The following PHACTR2 variants were observed in gnomAD, a reference collection of about 807,000 sequenced individuals.
PHACTR2 encodes chromosome 6 open reading frame 56.
Under a neutral mutation model 76.0 loss-of-function variants are expected in PHACTR2, and 30 were observed. The observed-to-expected ratio is 0.39, with a 90% CI of 0.30 to 0.54. The LOEUF (loss-of-function observed/expected upper bound fraction) is 0.54, where lower values mean the gene tolerates loss of function less well. Ranked by LOEUF, PHACTR2 falls within the 20% of genes least tolerant of loss-of-function variation. PHACTR2 has a pLI of 0.61. For missense variants in PHACTR2, 696 were observed against 781.1 expected (o/e 0.89, Z 1.30); for synonymous variants, 292 against 292.5 (o/e 1.00, Z 0.02).
At chr6:143,651,077 CAT>C (rs1373531074) in intron 1 of PHACTR2, among the ~76,000 whole-genome samples, 3 of 151,844 alleles carry the variant, frequency 2.0e-5, no homozygotes, top group African/African-American at 2.4e-5. Flanking sequence ...AGCCAACAAA[CAT>C]ATGAAAAAAA....
At chr6:143,740,422 C>T (rs1199100835) in intron 2 of PHACTR2, among the ~76,000 whole-genome samples, 1 of 150,520 alleles carries the variant, frequency 6.6e-6, no homozygotes, top group Non-Finnish European at 1.5e-5. Context: ...TGTACCCAGC[C>T]TCTATTCAAG....
In PHACTR2 at chr6:143,795,744, C is replaced by T. The variant is rs1775808511; in HGVS notation, c.1845+6834C>T. On this transcript the variant is annotated intron_variant, in intron 11 of 12. Coordinates refer to ENST00000440869, the MANE Select transcript of PHACTR2 (RefSeq NM_001100164.2). This position sits in a 1 kb window ranked among gnomAD's most constrained non-coding sequence, Gnocchi z 4.8. ...AGTAGTTGTTTGACCTTGGCCAAGTCATTTAACCTAGGTTTACTTACTAGT... is the reference window on the plus strand; with the variant it reads ...AGTAGTTGTTTGACCTTGGCCAAGTTATTTAACCTAGGTTTACTTACTAGT... Among the ~76,000 whole-genome samples the T allele has an allele frequency of 6.6e-6, 1 of 152,212 alleles. No homozygotes were observed.
At position 143,755,199 on chromosome 6, in the gene PHACTR2, A is replaced by C; in HGVS notation, c.454+1287A>C. 1 of 449,734 alleles carries C rather than the reference A, an allele frequency of 2.2e-6. No individual in the cohort carries two copies. The highest frequency in any genetic ancestry group is 4.5e-6 in the Non-Finnish European group (1 of 222,490). The allele number at this position is 449,734 out of a possible 1,614,324, so 27.9% of individuals were successfully genotyped here. A position where few individuals can be genotyped will look rare whatever the true frequency, so the allele number is the denominator to read the frequency against. On this transcript the variant is annotated intron_variant, in intron 4 of 12. Coordinates refer to ENST00000440869, the MANE Select transcript of PHACTR2 (RefSeq NM_001100164.2). The surrounding 1 kb of genome is among the most constrained non-coding windows in gnomAD (Gnocchi z 5.2). The stretch of plus-strand genomic sequence containing the variant: ...TACTTTCAATGATAATATTCCTGGA[A>C]CATAAAAAGAAAGTAGACTTAAATA...
upstream of PHACTR2, among the ~76,000 whole-genome samples, chr6:143,607,666 A>G (rs1435453531): frequency 2.6e-5 from 4 of 152,244 alleles, no homozygotes; most frequent in Non-Finnish European, 4.4e-5. Flanking sequence ...TGGAATGGCA[A>G]TACTCAACTT....
intron 1 of PHACTR2, among the ~76,000 whole-genome samples, chr6:143,657,955 G>C (rs987733871): frequency 2.0e-5 from 3 of 152,152 alleles, no homozygotes; most frequent in South Asian, 2.1e-4. Context: ...TATTTCTGAG[G>C]GGGGGTCCAG....
intron 12 of PHACTR2, among the ~76,000 whole-genome samples, chr6:143,813,590 C>A (rs1488233857): frequency 3.6e-5 from 5 of 139,790 alleles, no homozygotes; most frequent in Non-Finnish European, 7.5e-5. Flanking sequence ...TGCACTCCAG[C>A]CTGGGCAACA....
chr6:143,583,408 G>A lies in PHACTR2; in HGVS notation c.217+46201G>A, dbSNP rs1164003407. 1.3e-5 allele frequency among the ~76,000 whole-genome samples: 2 copies of A among 152,216 alleles called. No individual in the cohort carries two copies. The highest frequency in any genetic ancestry group is 2.9e-5 in the Non-Finnish European group (2 of 68,046). On this transcript the variant is annotated intron_variant, in intron 1 of 11. Coordinates refer to the PHACTR2 transcript ENST00000367584. This position sits in a 1 kb window ranked among gnomAD's most constrained non-coding sequence, Gnocchi z 4.0. The stretch of plus-strand genomic sequence containing the variant: ...CACTTTTATGATTGGTAAAAAATTG[G>A]TTTATCCTCTCTCAAAGTTTATCCT...
At chr6:143,779,899 T>TTTATA (rs377378201) in intron 9 of PHACTR2, among the ~76,000 whole-genome samples, 36,252 of 140,708 alleles carry the variant, frequency 0.26, 4,789 homozygotes, top group Middle Eastern at 0.31. Flanking sequence ...CATATACGTA[T>TTTATA]TTATATTATA....
rs1420949889 is a variant in PHACTR2 at position 143,619,064 on chromosome 6, T to C, written c.13+10742T>C. On this transcript the variant is annotated intron_variant, in intron 1 of 11. Coordinates refer to the PHACTR2 transcript ENST00000305766. The surrounding 1 kb of genome is among the most constrained non-coding windows in gnomAD (Gnocchi z 4.5). ...TGAATTAATTCTTACTGGAATTGAA[T>C]GCTGTGGCCATATGCAATTTAATAT... Among the ~76,000 whole-genome samples the C allele has an allele frequency of 2.0e-5, 3 of 152,210 alleles. No homozygotes were observed. The highest frequency in any genetic ancestry group is 6.5e-5 in the Admixed American group (1 of 15,286).
chr6:143,559,716 T>TTTTTTTTTTTTTTTTTTTA (rs1775238183), intron 1 of PHACTR2, among the ~76,000 whole-genome samples: 1 of 132,698 alleles, frequency 7.5e-6, no homozygotes, highest in Non-Finnish European at 1.6e-5. Context: ...TTTTTTTTTT[T>TTTTTTTTTTTTTTTTTTTA]TTTTTTTTTT....
At chr6:143,674,881 T>G (rs533930541), upstream of PHACTR2, among the ~76,000 whole-genome samples, 3 of 152,364 alleles carry the variant, frequency 2.0e-5, no homozygotes, top group South Asian at 6.2e-4. The surrounding 1 kb of genome is among the most constrained non-coding windows in gnomAD (Gnocchi z 4.9). Context: ...AAGTTGTATG[T>G]CTGCCATTTG....
At chr6:143,726,294 T>C (rs1778569330) in intron 2 of PHACTR2, among the ~76,000 whole-genome samples, 1 of 152,226 alleles carries the variant, frequency 6.6e-6, no homozygotes, top group Non-Finnish European at 1.5e-5. Context: ...TAAAAACATT[T>C]GTCATAAAAT....
rs1242865868 is a variant in PHACTR2, at chr6:143,653,406, G to A, written c.13+45084G>A. On this transcript the variant is annotated intron_variant, in intron 1 of 11. Transcript: ENST00000305766. This position sits in a 1 kb window ranked among gnomAD's most constrained non-coding sequence, Gnocchi z 4.9. ...ATACAGACTGTGGAGATGGGCAAAGGAAAAAAATCTCCAAGCTTTTTGATA... is the reference window on the plus strand; with the variant it reads ...ATACAGACTGTGGAGATGGGCAAAGAAAAAAAATCTCCAAGCTTTTTGATA... Among the ~76,000 whole-genome samples the A allele has an allele frequency of 6.6e-6, 1 of 151,948 alleles. No individual in the cohort carries two copies. Among genetic ancestry groups the A allele is most frequent in the South Asian group, 2.1e-4 (1 of 4,804 alleles).
intron 12 of PHACTR2, among the ~76,000 whole-genome samples, chr6:143,812,518 T>C (rs1308685517): frequency 6.6e-6 from 1 of 152,206 alleles, no homozygotes; most frequent in Non-Finnish European, 1.5e-5. Context: ...ATTTGGTCTG[T>C]AGTGATGAAG....
chr6:143,678,134 A>G lies in PHACTR2; in HGVS notation c.-30A>G. 6.5e-7 allele frequency: 1 copy of G among 1,545,788 alleles called. No individual in the cohort carries two copies. Among genetic ancestry groups the G allele is most frequent in the South Asian group, 1.2e-5 (1 of 83,936 alleles). On this transcript the variant is annotated 5_prime_UTR_variant, in exon 1 of 13. The change abolishes the stop of an existing upstream ORF in the 5' untranslated region. Coordinates refer to ENST00000440869, the MANE Select transcript of PHACTR2 (RefSeq NM_001100164.2). The surrounding 1 kb of genome is among the most constrained non-coding windows in gnomAD (Gnocchi z 6.2). ...ATCGAAGGACCAAAGGAGCCGCTTGATCGCTGGACCTGGCCCTGCGACCCC... is the reference window on the plus strand; with the variant it reads ...ATCGAAGGACCAAAGGAGCCGCTTGGTCGCTGGACCTGGCCCTGCGACCCC...
rs1162765904 is a variant in PHACTR2, at chr6:143,800,451, CGG to C, written c.1846-6603_1846-6602del. Among the ~76,000 whole-genome samples the C allele has an allele frequency of 6.6e-6, 1 of 151,938 alleles. No individual in the cohort carries two copies. Among genetic ancestry groups the C allele is most frequent in the African/African-American group, 2.4e-5 (1 of 41,362 alleles). On this transcript the variant is annotated intron_variant, in intron 11 of 12. Transcript: ENST00000440869. The surrounding 1 kb of genome is among the most constrained non-coding windows in gnomAD (Gnocchi z 4.8). ...TAATTTTTTGTATTTTTAGTAGAGACGGGGTTTCACTGTGTTAGCCAGGATGG... is the reference window on the plus strand; with the variant it reads ...TAATTTTTTGTATTTTTAGTAGAGACGGTTTCACTGTGTTAGCCAGGATGG...
rs1163604077 is a variant in PHACTR2 at position 143,592,114 on chromosome 6, G to A, written c.217+54907G>A. 6.6e-6 allele frequency among the ~76,000 whole-genome samples: 1 copy of A among 152,202 alleles called. No homozygotes were observed. The highest frequency in any genetic ancestry group is 2.4e-5 in the African/African-American group (1 of 41,456). On this transcript the variant is annotated intron_variant, in intron 1 of 11. Coordinates refer to the PHACTR2 transcript ENST00000367584. The surrounding 1 kb of genome is among the most constrained non-coding windows in gnomAD (Gnocchi z 4.0). ...TTCAGGCCAGGAGCCAACTCTCTCAGTGCCACCATGTTCCAGATCATTATG... is the reference window on the plus strand; with the variant it reads ...TTCAGGCCAGGAGCCAACTCTCTCAATGCCACCATGTTCCAGATCATTATG...
chr6:143,568,015 C>T (rs1277220755), intron 1 of PHACTR2, among the ~76,000 whole-genome samples: 1 of 152,194 alleles, frequency 6.6e-6, no homozygotes, highest in Non-Finnish European at 1.5e-5. Flanking sequence ...ATTATAATCA[C>T]ATACGCAATT....
rs1778133739 is a variant in PHACTR2, at chr6:143,709,870, C to T, written c.47-2146C>T. On this transcript the variant is annotated intron_variant, in intron 1 of 12. Coordinates refer to ENST00000440869, the MANE Select transcript of PHACTR2 (RefSeq NM_001100164.2). This position sits in a 1 kb window ranked among gnomAD's most constrained non-coding sequence, Gnocchi z 4.4. The stretch of plus-strand genomic sequence containing the variant: ...GCTTCCTACATGGTCTCCACTGACA[C>T]TGTGGAAGATGCTTCATTATCAGCC... 6.6e-6 allele frequency among the ~76,000 whole-genome samples: 1 copy of T among 152,166 alleles called. No homozygotes were observed. The highest frequency in any genetic ancestry group is 1.5e-5 in the Non-Finnish European group (1 of 68,036).
Sources: gnomAD v4.1 joint callset for allele counts (sites outside exome capture counted in the v4.1 genomes callset) on GRCh38, gnomAD v4.1.1 for gene constraint, Gnocchi (gnomAD v3.1) non-coding constraint, MANE v1.5 for transcripts, NCBI Gene and HGNC (gene_info 2026-07-23, HGNC 2026-07-21) for gene names.